UBR7: variants seen among roughly 807,000 people sequenced by gnomAD.
The protein encoded by UBR7 is ubiquitin protein ligase E3 component n-recognin 7.
In UBR7, 22 loss-of-function variants were observed where a neutral mutation model predicts 57.0. The observed-to-expected ratio is 0.39, with a 90% CI of 0.28 to 0.55. UBR7 has a LOEUF of 0.55. Ranked by LOEUF, UBR7 falls within the 20% of genes least tolerant of loss-of-function variation. The pLI, the probability that UBR7 is intolerant of heterozygous loss-of-function variation, is 0.69. For missense variants in UBR7, 395 were observed against 513.2 expected (o/e 0.77, Z 2.23); for synonymous variants, 167 against 179.8 (o/e 0.93, Z 0.57).
rs1291647987 is a variant in UBR7, at chr14:93,211,375, C to CT, written c.346-657_346-656insT. 7.3e-4 allele frequency among the ~76,000 whole-genome samples: 45 copies of CT among 61,340 alleles called. No homozygotes were observed. In the African/African-American group the frequency reaches 8.3e-3, roughly 11 times the overall value. The allele number at this position is 61,340 out of a possible 152,430, so 40.2% of individuals were successfully genotyped here. On this transcript the variant is annotated intron_variant, in intron 3 of 10. Coordinates refer to ENST00000013070, the MANE Select transcript of UBR7 (RefSeq NM_175748.4). ...CAGCTTGGCCATCATGGTGAAACCC[C>CT]CCCGTACTAAAAATACAAAAAATTA...
intron 10 of UBR7, among the ~76,000 whole-genome samples, chr14:93,225,424 C>G (rs1269770345): frequency 2.3e-5 from 3 of 129,920 alleles, no homozygotes; most frequent in African/African-American, 9.0e-5. Flanking sequence ...CTCAGGAGTT[C>G]AAGACTAGCC....
intron 7 of UBR7, 112 bp from the exon 8 acceptor site, chr14:93,219,100 T>C (rs1894652698): frequency 3.1e-6 from 4 of 1,270,998 alleles, no homozygotes; most frequent in Non-Finnish European, 3.3e-6. Flanking sequence ...TGTAAACTTA[T>C]GGCTTTGGAT....
Position 93,220,244 on chromosome 14 carries a change from T to G in UBR7, c.961-5T>G. ...TTTCTTTTTTTTTTTTTTTTTTCCCTAAAGAAAATGTATGGAGATCTAGAT... is the reference window on the plus strand; with the variant it reads ...TTTCTTTTTTTTTTTTTTTTTTCCCGAAAGAAAATGTATGGAGATCTAGAT... On this transcript the variant is annotated splice_region_variant and splice_polypyrimidine_tract_variant and intron_variant, in intron 8 of 10. Coordinates refer to ENST00000013070, the MANE Select transcript of UBR7 (RefSeq NM_175748.4). The G allele has an allele frequency of 7.0e-7, 1 of 1,429,608 alleles. No individual in the cohort carries two copies. Among genetic ancestry groups the G allele is most frequent in the Non-Finnish European group, 9.6e-7 (1 of 1,038,926 alleles). The allele number at this position is 1,429,608 out of a possible 1,614,324, so 88.6% of individuals were successfully genotyped here.
intron 6 of UBR7, among the ~76,000 whole-genome samples, chr14:93,215,728 T>G (rs1894578822): frequency 6.6e-6 from 1 of 151,602 alleles, no homozygotes; most frequent in Non-Finnish European, 1.5e-5. Flanking sequence ...ATGTGTTCTT[T>G]CTCCACAAGG....
rs1306755402 is a variant in UBR7, at chr14:93,227,418, C to T, written c.*383C>T. ...AGCTGTTGCCTTCCAGAACCTCCTC[C>T]GCAGGCATCACGGAAGGCTCTCTTC... is the stretch of plus-strand genomic sequence containing the variant. On this transcript the variant is annotated 3_prime_UTR_variant, in exon 11 of 11. Transcript: ENST00000013070. 5 of 666,696 alleles carry T rather than the reference C, an allele frequency of 7.5e-6. No individual in the cohort carries two copies. Among genetic ancestry groups the T allele is most frequent in the African/African-American group, 5.3e-5 (3 of 56,762 alleles). 41.3% of individuals were successfully genotyped at this position (666,696 alleles called of 1,614,324 possible). A position where few individuals can be genotyped will look rare whatever the true frequency, so the allele number is the denominator to read the frequency against.
rs1486419304 is a variant in UBR7 at position 93,227,691 on chromosome 14, A to G, written c.*656A>G. On this transcript the variant is annotated 3_prime_UTR_variant, in exon 11 of 11. Transcript: ENST00000013070. Reference sequence around the variant, plus strand: ...AACAGATGACAGGGTTGAGGAAGCAAGCCTTTGTTATGAATTTTACTAATA... The same window carrying G: ...AACAGATGACAGGGTTGAGGAAGCAGGCCTTTGTTATGAATTTTACTAATA... 3 of 700,732 alleles carry G rather than the reference A, an allele frequency of 4.3e-6. No homozygotes were observed. Among genetic ancestry groups the G allele is most frequent in the Non-Finnish European group, 7.8e-6 (3 of 384,834 alleles). The allele number at this position is 700,732 out of a possible 1,614,324, so 43.4% of individuals were successfully genotyped here.
chr14:93,223,862 T>C (rs1229086216), intron 10 of UBR7: 1 of 746,452 alleles, frequency 1.3e-6, no homozygotes, highest in Non-Finnish European at 2.4e-6. Flanking sequence ...CCGGTACATG[T>C]TGGGGGCGCC....
rs983637761 is a variant in UBR7 at position 93,228,661 on chromosome 14, T to C, written c.*1626T>C. The C allele has an allele frequency of 4.4e-6, 2 of 454,120 alleles. No homozygotes were observed. Among genetic ancestry groups the C allele is most frequent in the Admixed American group, 4.7e-5 (2 of 42,578 alleles). 28.1% of individuals were successfully genotyped at this position (454,120 alleles called of 1,614,324 possible). On this transcript the variant is annotated 3_prime_UTR_variant, in exon 11 of 11. Transcript: ENST00000013070. ...AGCTGGCCTTGTGCAGAGGGCTCCGTTCAAAGGCTCGGGGTGTCTTTGAGG... is the reference window on the plus strand; with the variant it reads ...AGCTGGCCTTGTGCAGAGGGCTCCGCTCAAAGGCTCGGGGTGTCTTTGAGG...
intron 10 of UBR7, chr14:93,223,522 T>G: frequency 1.6e-6 from 1 of 632,152 alleles, no homozygotes; most frequent in Non-Finnish European, 2.8e-6. Flanking sequence ...TAGGTCATTT[T>G]TTCCTTTTTT....
chr14:93,226,813 AT>A lies in UBR7; in HGVS notation c.1186-129del, dbSNP rs376969150. The A allele has an allele frequency of 4.8e-4, 238 of 500,868 alleles. 2 individuals are homozygous for A. Among genetic ancestry groups the A allele is most frequent in the African/African-American group, 3.6e-3 (172 of 48,298 alleles). The allele number at this position is 500,868 out of a possible 1,614,324, so 31.0% of individuals were successfully genotyped here. On this transcript the variant is annotated intron_variant, in intron 10 of 10. Coordinates refer to ENST00000013070, the MANE Select transcript of UBR7 (RefSeq NM_175748.4). The stretch of plus-strand genomic sequence containing the variant: ...ATCTCAAAAAAAAAAAAAAAAAAAA[AT>A]AGAAAATGGAGATGTTATCATTAAC...
intron 4 of UBR7, among the ~76,000 whole-genome samples, chr14:93,214,701 A>G (rs1334100308): frequency 2.0e-5 from 3 of 152,122 alleles, no homozygotes; most frequent in Admixed American, 1.3e-4. Flanking sequence ...TGAGTTTTGT[A>G]TAAAATGGGA....
intron 4 of UBR7, among the ~76,000 whole-genome samples, chr14:93,212,504 A>G (rs1443897222): frequency 6.6e-6 from 1 of 152,208 alleles, no homozygotes; most frequent in African/African-American, 2.4e-5. Context: ...GTCAATGAGA[A>G]GTATATGCAA....
intron 1 of UBR7, among the ~76,000 whole-genome samples, chr14:93,208,581 A>G (rs2140096739): frequency 6.6e-6 from 1 of 152,224 alleles, no homozygotes; most frequent in East Asian, 1.9e-4. Flanking sequence ...AAATACGGAA[A>G]TTTGCACAAA....
chr14:93,214,730 C>A (rs921565410), intron 4 of UBR7, among the ~76,000 whole-genome samples, 199 bp from the exon 5 acceptor site: 2 of 152,216 alleles, frequency 1.3e-5, no homozygotes, highest in Non-Finnish European at 2.9e-5. Context: ...CTTGTCTACA[C>A]AGTTTTGTGA....
At position 93,207,381 on chromosome 14, in the gene UBR7, G is replaced by A; in HGVS notation, c.90G>A (p.Leu30=). The A allele has an allele frequency of 1.9e-6, 3 of 1,556,330 alleles. No individual in the cohort carries two copies. Among genetic ancestry groups the A allele is most frequent in the Non-Finnish European group, 2.6e-6 (3 of 1,150,854 alleles). Residue 30 remains leucine (L), a synonymous_variant, in exon 1 of 11, where the codon CTG becomes CTA. Coordinates refer to ENST00000013070, the MANE Select transcript of UBR7 (RefSeq NM_175748.4). ...LVDVLEEDEE[L]ENEACAVLGG... Reference sequence around the variant, plus strand: ...ACGTCCTTGAGGAGGACGAGGAGCTGGAGAATGAGGCGTGCGCTGTCCTGG... The same window carrying A: ...ACGTCCTTGAGGAGGACGAGGAGCTAGAGAATGAGGCGTGCGCTGTCCTGG...
intron 6 of UBR7, 98 bp from the exon 7 acceptor site, chr14:93,218,429 A>G: frequency 1.9e-6 from 2 of 1,057,876 alleles, no homozygotes; most frequent in Non-Finnish European, 2.8e-6. Flanking sequence ...AAAAATAATA[A>G]TAATAGAATA....
At position 93,228,995 on chromosome 14, in the gene UBR7, A is replaced by G; in HGVS notation, c.*1960A>G. On this transcript the variant is annotated 3_prime_UTR_variant, in exon 11 of 11. Transcript: ENST00000013070. ...CTTTTTTTACCTGTTGTTCACAACT[A>G]GTTTTCTTATTGACTGTATTGGACT... 2 of 453,880 alleles carry G rather than the reference A, an allele frequency of 4.4e-6. No individual in the cohort carries two copies. The highest frequency in any genetic ancestry group is 8.8e-6 in the Non-Finnish European group (2 of 226,726). The allele number at this position is 453,880 out of a possible 1,614,324, so 28.1% of individuals were successfully genotyped here.
chr14:93,223,784 G>C, intron 10 of UBR7: 1 of 739,012 alleles, frequency 1.4e-6, no homozygotes, highest in East Asian at 2.5e-5. Context: ...CAGGTGCGGT[G>C]CCAGGCGCCC....
At chr14:93,208,056 T>TC in intron 1 of UBR7, among the ~76,000 whole-genome samples, 1 of 152,288 alleles carries the variant, frequency 6.6e-6, no homozygotes, top group East Asian at 1.9e-4. Context: ...AGCAAGTGGC[T>TC]CTGGCAAGGG....
Sources: allele counts gnomAD v4.1 joint callset (sites outside exome capture counted in the v4.1 genomes callset), GRCh38; gene constraint gnomAD v4.1.1; transcripts MANE v1.5; gene names NCBI Gene and HGNC (gene_info 2026-07-23, HGNC 2026-07-21).